Variants in PPP5C observed in about 807,000 individuals in gnomAD.
PPP5C encodes protein phosphatase 5 catalytic subunit, also known as serine/threonine-protein phosphatase 5.
PPP5C carries 21 observed loss-of-function variants against 66.7 expected under a neutral mutation model. The observed-to-expected ratio is 0.31, with a 90% CI of 0.22 to 0.45. The LOEUF (loss-of-function observed/expected upper bound fraction) is 0.45, where lower values mean the gene tolerates loss of function less well. PPP5C is among the 20% of genes least tolerant of loss of function. The probability of loss-of-function intolerance (pLI) is 1.00; values close to 1 mark genes in which losing one functional copy is unlikely to be tolerated. For synonymous variants in PPP5C, 246 were observed against 257.4 expected (o/e 0.96, Z 0.43); for missense variants, 464 against 675.9 (o/e 0.69, Z 3.48).
At position 46,388,027 on chromosome 19, in the gene PPP5C, A is replaced by G. The variant is rs1972922268; in HGVS notation, c.1136-381A>G. 2 of 278,444 alleles carry G rather than the reference A, an allele frequency of 7.2e-6. No individual in the cohort carries two copies. Among genetic ancestry groups the G allele is most frequent in the Admixed American group, 9.3e-5 (2 of 21,544 alleles). 17.2% of individuals were successfully genotyped at this position (278,444 alleles called of 1,614,324 possible). On this transcript the variant is annotated intron_variant, in intron 9 of 12. Coordinates refer to ENST00000012443, the MANE Select transcript of PPP5C (RefSeq NM_006247.4). This position sits in a 1 kb window ranked among gnomAD's most constrained non-coding sequence, Gnocchi z 4.9. ...GCTGTGCTTTGAGGGCTGACATTGG[A>G]CATGGGGTTCACTGGGCCCAAATCC...
Position 46,383,325 on chromosome 19 carries a change from G to T in PPP5C, c.634-86G>T. The T allele has an allele frequency of 6.4e-7, 1 of 1,563,506 alleles. No homozygotes were observed. The highest frequency in any genetic ancestry group is 8.7e-7 in the Non-Finnish European group (1 of 1,154,508). ...CTTCTCCCTCGCCCTCAGCCCAGCA[G>T]CGTCTCATGGGCAGTCCAGGCTTTC... On this transcript the variant is annotated intron_variant, in intron 4 of 12. Transcript: ENST00000012443. The surrounding 1 kb of genome is among the most constrained non-coding windows in gnomAD (Gnocchi z 5.0).
chr19:46,364,164 G>C (rs916960868), intron 2 of PPP5C, among the ~76,000 whole-genome samples: 1 of 152,164 alleles, frequency 6.6e-6, no homozygotes, highest in Admixed American at 6.5e-5. Context: ...TTTGAGAAGA[G>C]AGGAAATCAG....
intron 4 of PPP5C, among the ~76,000 whole-genome samples, chr19:46,381,036 C>T (rs1240146584): frequency 6.6e-6 from 1 of 152,148 alleles, no homozygotes; most frequent in Admixed American, 6.6e-5. Flanking sequence ...ATCTTAATGA[C>T]CTGAATTTTT....
chr19:46,384,965 C>G (rs1440997521), intron 7 of PPP5C, 56 bp downstream of exon 7: 3 of 1,310,772 alleles, frequency 2.3e-6, no homozygotes, highest in Non-Finnish European at 2.2e-6. Context: ...GTGGGGCACT[C>G]ACTCTGCAAG....
intron 4 of PPP5C, among the ~76,000 whole-genome samples, chr19:46,378,685 A>C (rs1024104873): frequency 6.6e-6 from 1 of 152,220 alleles, no homozygotes; most frequent in African/African-American, 2.4e-5. Flanking sequence ...ACTCATTATA[A>C]TGAAGTGACT....
At chr19:46,384,397 C>T (rs1468499704) in intron 6 of PPP5C, 5 of 256,854 alleles carry the variant, frequency 1.9e-5, no homozygotes, top group East Asian at 8.8e-5. Context: ...GGTATCTGCT[C>T]GATGAACGGC....
rs112373967 is a variant in PPP5C at position 46,354,950 on chromosome 19, C to T, written c.363+961C>T. Among the ~76,000 whole-genome samples the T allele has an allele frequency of 4.6e-3, 705 of 152,318 alleles. 2 individuals are homozygous for T. The highest frequency in any genetic ancestry group is 6.8e-3 in the Middle Eastern group (2 of 294). On this transcript the variant is annotated intron_variant, in intron 2 of 12. Coordinates refer to ENST00000012443, the MANE Select transcript of PPP5C (RefSeq NM_006247.4). ...CCTGACGGTATGAGGCTCTGCAGAG[C>T]GAGCACACACCTTCACACCAGGTGT...
rs1178706276 is a variant in PPP5C, at chr19:46,390,419, G to A, written c.*73G>A. ...GGACCCAGGCCCTGGGCTAGGGGCA[G>A]AGCAGGCCCCGCCCCAGGGCAATGT... is the stretch of plus-strand genomic sequence containing the variant. On this transcript the variant is annotated 3_prime_UTR_variant, in exon 13 of 13. Coordinates refer to ENST00000012443, the MANE Select transcript of PPP5C (RefSeq NM_006247.4). 4.5e-6 allele frequency: 7 copies of A among 1,546,050 alleles called. No homozygotes were observed. Among genetic ancestry groups the A allele is most frequent in the Non-Finnish European group, 6.1e-6 (7 of 1,144,474 alleles).
chr19:46,376,322 TTCAC>T lies in PPP5C; in HGVS notation c.512-124_512-121del. On this transcript the variant is annotated intron_variant, in intron 3 of 12. Transcript: ENST00000012443. The surrounding 1 kb of genome is among the most constrained non-coding windows in gnomAD (Gnocchi z 5.1). ...CCAGACCTGACCCAGGAGGGGACTC[TTCAC>T]TCACTCTGTCCCGCTCTCGACCTGT... 1 of 1,232,112 alleles carries T rather than the reference TTCAC, an allele frequency of 8.1e-7. No individual in the cohort carries two copies. Among genetic ancestry groups the T allele is most frequent in the Non-Finnish European group, 1.1e-6 (1 of 885,012 alleles). The allele number at this position is 1,232,112 out of a possible 1,614,324, so 76.3% of individuals were successfully genotyped here.
At chr19:46,389,050 A>G (rs1004360768) in intron 11 of PPP5C, among the ~76,000 whole-genome samples, 15 of 152,132 alleles carry the variant, frequency 9.9e-5, no homozygotes, top group African/African-American at 2.7e-4. Flanking sequence ...CTGGCTGGGC[A>G]TGGTGGCTCA....
Position 46,388,795 on chromosome 19 carries a change from T to G in PPP5C, c.1355+64T>G. On this transcript the variant is annotated intron_variant, in intron 11 of 12. Transcript: ENST00000012443. This position sits in a 1 kb window ranked among gnomAD's most constrained non-coding sequence, Gnocchi z 4.9. ...CCACGGGTTTTTGTCTTGGTTTTTG[T>G]TTTGCCTTTTTATGATGGAACATTT... The G allele has an allele frequency of 6.4e-7, 1 of 1,556,900 alleles. No homozygotes were observed.
At chr19:46,384,363 T>A (rs1393354671) in intron 6 of PPP5C, 1 of 247,848 alleles carries the variant, frequency 4.0e-6, no homozygotes, top group Non-Finnish European at 7.9e-6. Context: ...CACCTGATGC[T>A]ATCTAAGTAT....
intron 1 of PPP5C, among the ~76,000 whole-genome samples, chr19:46,353,472 G>A (rs897304431): frequency 2.7e-5 from 4 of 150,592 alleles, no homozygotes; most frequent in African/African-American, 7.3e-5. Flanking sequence ...TCTTGCTATC[G>A]GAGTGCTCTT....
intron 2 of PPP5C, among the ~76,000 whole-genome samples, chr19:46,366,957 A>C (rs1397296102): frequency 6.6e-6 from 1 of 152,194 alleles, no homozygotes; most frequent in South Asian, 2.1e-4. Context: ...TTTCGAAGGG[A>C]CATTGGAATT....
Position 46,347,221 on chromosome 19 carries a change from C to G in PPP5C, c.121+4C>G. The G allele has an allele frequency of 6.2e-7, 1 of 1,600,604 alleles. No homozygotes were observed. The highest frequency in any genetic ancestry group is 1.1e-5 in the South Asian group (1 of 89,112). ...CAGGCCAATGACTACTTCAAAGGTGCGCCCGCCTGGCAGGGAGGGTGGACA... is the reference window on the plus strand; with the variant it reads ...CAGGCCAATGACTACTTCAAAGGTGGGCCCGCCTGGCAGGGAGGGTGGACA... On this transcript the variant is annotated splice_donor_region_variant and intron_variant, in intron 1 of 12. Coordinates refer to ENST00000012443, the MANE Select transcript of PPP5C (RefSeq NM_006247.4).
rs1972855666 is a variant in PPP5C at position 46,384,870 on chromosome 19, T to G, written c.865T>G (p.Phe289Val). ...AGAAGTGATCCTCACCCTTTTCGGCTTCAAGCTCCTGTACCCAGATCACTT... is the reference window on the plus strand; with the variant it reads ...AGAAGTGATCCTCACCCTTTTCGGCGTCAAGCTCCTGTACCCAGATCACTT... ...SVEVILTLFG[F>V]KLLYPDHFHL... Residue 289 changes from phenylalanine (F) to valine (V), a missense_variant, in exon 7 of 13, where the codon TTC becomes GTC. By Grantham distance (50) the Phe-to-Val change is conservative. Coordinates refer to ENST00000012443, the MANE Select transcript of PPP5C (RefSeq NM_006247.4). 1 of 1,614,050 alleles carries G rather than the reference T, an allele frequency of 6.2e-7. No homozygotes were observed. The highest frequency in any genetic ancestry group is 1.7e-5 in the Admixed American group (1 of 59,998).
intron 1 of PPP5C, among the ~76,000 whole-genome samples, chr19:46,352,712 C>T (rs534993288): frequency 4.6e-5 from 7 of 151,384 alleles, no homozygotes; most frequent in Non-Finnish European, 1.0e-4. Flanking sequence ...CCCAGCTGCT[C>T]GGGGGGCTAA....
chr19:46,360,963 A>C (rs1972374102), intron 2 of PPP5C, among the ~76,000 whole-genome samples: 1 of 152,200 alleles, frequency 6.6e-6, no homozygotes, highest in Non-Finnish European at 1.5e-5. Flanking sequence ...GAGGAGACTC[A>C]GTTTCCCAAA....
chr19:46,375,666 C>G lies in PPP5C; in HGVS notation c.426C>G (p.Ile142Met), dbSNP rs372807877. 5 of 1,613,948 alleles carry G rather than the reference C, an allele frequency of 3.1e-6. No homozygotes were observed. Among genetic ancestry groups the G allele is most frequent in the Non-Finnish European group, 4.2e-6 (5 of 1,179,916 alleles). The change falls in exon 3 of 13, where the codon ATC becomes ATG. Residue 142 changes from isoleucine (I) to methionine (M), a missense_variant. Ile to Met is a conservative substitution (Grantham distance 10). Coordinates refer to ENST00000012443, the MANE Select transcript of PPP5C (RefSeq NM_006247.4). ...TGAAATACCAGGAGTGCAACAAGAT[C>G]GTGAAGCAGAAGGCCTTTGAGCGGG... ...AKMKYQECNK[I>M]VKQKAFERAI...
Sources: allele counts gnomAD v4.1 joint callset (sites outside exome capture counted in the v4.1 genomes callset), GRCh38; gene constraint gnomAD v4.1.1; non-coding constraint Gnocchi (gnomAD v3.1); transcripts MANE v1.5; gene names NCBI Gene and HGNC (gene_info 2026-07-23, HGNC 2026-07-21).